The following SEMA3D variants were observed in gnomAD, a reference collection of about 807,000 sequenced individuals.
The protein encoded by SEMA3D is semaphorin-3D.
Under a neutral mutation model 100.1 loss-of-function variants are expected in SEMA3D, and 84 were observed. The observed-to-expected ratio is 0.84, with a 90% confidence interval of 0.70 to 1.01. The LOEUF is 1.01. SEMA3D is among the 50% of genes least tolerant of loss of function. SEMA3D has a pLI of 0.00. For synonymous variants in SEMA3D, 312 were observed against 320.7 expected (o/e 0.97, Z 0.29); for missense variants, 875 against 934.1 (o/e 0.94, Z 0.82).
intron 1 of SEMA3D, among the ~76,000 whole-genome samples, chr7:85,161,076 C>G (rs966318894): frequency 6.6e-6 from 1 of 152,062 alleles, no homozygotes; most frequent in Non-Finnish European, 1.5e-5. Context: ...GACCATGATT[C>G]TGGAAGACAA....
At chr7:85,208,453 A>C in the SEMA3D span, among the ~76,000 whole-genome samples, 1 of 152,098 alleles carries the variant, frequency 6.6e-6, no homozygotes, top group African/African-American at 2.4e-5. Context: ...TTTTAGCAAA[A>C]TAATTAATTT....
chr7:85,193,770 A>T, the SEMA3D span, among the ~76,000 whole-genome samples: 5 of 152,110 alleles, frequency 3.3e-5, no homozygotes, highest in South Asian at 2.1e-4. Flanking sequence ...CTTCTTCTGG[A>T]TCTTACCACT....
chr7:85,029,447 A>G (rs1264790182), intron 12 of SEMA3D: 1 of 750,226 alleles, frequency 1.3e-6, no homozygotes, highest in Non-Finnish European at 2.4e-6. Flanking sequence ...AAGATTAACA[A>G]TGAGCACAAA....
intron 1 of SEMA3D, among the ~76,000 whole-genome samples, chr7:85,168,034 G>A (rs1016333022): frequency 2.0e-5 from 3 of 151,782 alleles, no homozygotes; most frequent in African/African-American, 2.4e-5. Context: ...TTTTGATAAC[G>A]ACATATATTT....
chr7:85,028,988 T>C, intron 12 of SEMA3D: 7 of 374,850 alleles, frequency 1.9e-5, no homozygotes, highest in Non-Finnish European at 3.8e-5. Flanking sequence ...TCTCAAAATG[T>C]TCAAGATTTT....
intron 8 of SEMA3D, among the ~76,000 whole-genome samples, chr7:85,057,069 A>G (rs1291707143): frequency 1.3e-5 from 2 of 152,038 alleles, no homozygotes; most frequent in African/African-American, 4.8e-5. Context: ...GTACTTGTAA[A>G]AATAATATGT....
intron 11 of SEMA3D, among the ~76,000 whole-genome samples, chr7:85,038,974 G>A (rs1790778730): frequency 6.6e-6 from 1 of 152,030 alleles, no homozygotes; most frequent in Admixed American, 6.6e-5. Context: ...AAACTATATT[G>A]TTCATATAAA....
chr7:85,175,674 A>G (rs1424103518), intron 1 of SEMA3D, among the ~76,000 whole-genome samples: 1 of 152,178 alleles, frequency 6.6e-6, no homozygotes, highest in Non-Finnish European at 1.5e-5. Context: ...TTTCCAAATT[A>G]AAAATAATTT....
At chr7:85,071,581 TC>T (rs1791775370) in intron 6 of SEMA3D, among the ~76,000 whole-genome samples, 1 of 152,208 alleles carries the variant, frequency 6.6e-6, no homozygotes, top group South Asian at 2.1e-4. Flanking sequence ...TGCAATGTCA[TC>T]ATTGTGTGAA....
At chr7:85,018,722 G>A (rs1790173235) in intron 14 of SEMA3D, among the ~76,000 whole-genome samples, 1 of 151,726 alleles carries the variant, frequency 6.6e-6, no homozygotes, top group African/African-American at 2.4e-5. Context: ...AGAGTTTTGA[G>A]AAGTTATAGT....
chr7:85,014,904 A>G (rs937707991), intron 16 of SEMA3D, among the ~76,000 whole-genome samples, 155 bp downstream of exon 16: 1 of 151,992 alleles, frequency 6.6e-6, no homozygotes, highest in East Asian at 1.9e-4. Context: ...AGTTTTATGT[A>G]AAAATATAAA....
At chr7:85,103,566 C>T (rs1440612092) in intron 3 of SEMA3D, among the ~76,000 whole-genome samples, 1 of 151,934 alleles carries the variant, frequency 6.6e-6, no homozygotes, top group Non-Finnish European at 1.5e-5. Flanking sequence ...CAGCACTTAC[C>T]TCTAGGTCCT....
intron 12 of SEMA3D, chr7:85,028,753 T>A (rs1286918866): frequency 4.9e-6 from 1 of 203,344 alleles, no homozygotes; most frequent in Non-Finnish European, 1.0e-5. Context: ...ATGCTGAGCC[T>A]GTTCTGTGGC....
chr7:85,119,862 G>T (rs17647278), intron 3 of SEMA3D, among the ~76,000 whole-genome samples: 16,800 of 152,066 alleles, frequency 0.11, 1,266 homozygotes, highest in Admixed American at 0.17. Context: ...ATATCATTCA[G>T]CACTCCTTGA....
intron 3 of SEMA3D, among the ~76,000 whole-genome samples, chr7:85,112,394 C>T (rs906618361): frequency 3.9e-5 from 6 of 152,038 alleles, no homozygotes; most frequent in African/African-American, 9.7e-5. Context: ...AATGAATATA[C>T]GTTTAAGAAA....
chr7:85,244,391 T>G, the SEMA3D span, among the ~76,000 whole-genome samples: 1 of 152,174 alleles, frequency 6.6e-6, no homozygotes, highest in Admixed American at 6.5e-5. Context: ...CCACCAACAC[T>G]GCCATATTGG....
chr7:85,084,699 T>G (rs1369284800), intron 4 of SEMA3D, among the ~76,000 whole-genome samples: 1 of 152,166 alleles, frequency 6.6e-6, no homozygotes, highest in Non-Finnish European at 1.5e-5. Flanking sequence ...TAAAGATTGT[T>G]TCTTCACCCA....
chr7:85,183,359 C>G (rs537985067), intron 1 of SEMA3D, among the ~76,000 whole-genome samples: 1 of 152,236 alleles, frequency 6.6e-6, no homozygotes, highest in South Asian at 2.1e-4. Context: ...TAACTTCAAC[C>G]CCAAGCAATA....
At chr7:85,115,307 G>T (rs1037750700) in intron 3 of SEMA3D, among the ~76,000 whole-genome samples, 1 of 152,006 alleles carries the variant, frequency 6.6e-6, no homozygotes, top group Non-Finnish European at 1.5e-5. Context: ...TCAGTATCTC[G>T]GTATCCTCAT....
Sources: allele counts gnomAD v4.1 joint callset (sites outside exome capture counted in the v4.1 genomes callset), GRCh38; gene constraint gnomAD v4.1.1; transcripts MANE v1.5; gene names NCBI Gene and HGNC (gene_info 2026-07-23, HGNC 2026-07-21).